The following PDCD5 variants were observed in gnomAD, a reference collection of about 807,000 sequenced individuals.
The protein encoded by PDCD5 is programmed cell death protein 5.
In PDCD5, 23 loss-of-function variants were observed where a neutral mutation model predicts 21.9. The ratio of observed to expected loss-of-function variants is 1.05; its 90% CI spans 0.76 to 1.49. The LOEUF is 1.49. PDCD5 is among the 40% of genes most tolerant of loss of function. The probability of loss-of-function intolerance (pLI) is 0.00; values close to 1 mark genes in which losing one functional copy is unlikely to be tolerated. For missense variants in PDCD5, 152 were observed against 147.7 expected, an observed-to-expected ratio of 1.03 and a Z score of -0.15; for synonymous variants, 45 against 49.4, an observed-to-expected ratio of 0.91 and a Z score of 0.37.
rs747402120 is a variant in PDCD5, at chr19:32,581,256, C to G, written c.-6C>G. 77 of 1,509,292 alleles carry G rather than the reference C, an allele frequency of 5.1e-5. No homozygotes were observed. The highest frequency in any genetic ancestry group is 6.4e-5 in the Non-Finnish European group (73 of 1,132,340). The allele number at this position is 1,509,292 out of a possible 1,614,324, so 93.5% of individuals were successfully genotyped here. On this transcript the variant is annotated 5_prime_UTR_variant, in exon 1 of 6. Coordinates refer to ENST00000590247, the MANE Select transcript of PDCD5 (RefSeq NM_004708.4). ...ACCGCGGCTGCTCCAGCGCTGACGC[C>G]GAGCCATGGCGGACGAGGAGCTTGA...
At position 32,586,507 on chromosome 19, in the gene PDCD5, C is replaced by T. The variant is rs1175582394; in HGVS notation, c.259-351C>T. 5 of 1,096,836 alleles carry T rather than the reference C, an allele frequency of 4.6e-6. No homozygotes were observed. The East Asian group carries it at 2.0e-4, about 43-fold the overall frequency. 67.9% of individuals were successfully genotyped at this position (1,096,836 alleles called of 1,614,324 possible). A position where few individuals can be genotyped will look rare whatever the true frequency, so the allele number is the denominator to read the frequency against. ...CCTTCAAGGGGATGTTTAAGCTTCTCGGGCAGAAGTGGTGTGTCTATTCCT... is the reference window on the plus strand; with the variant it reads ...CCTTCAAGGGGATGTTTAAGCTTCTTGGGCAGAAGTGGTGTGTCTATTCCT... On this transcript the variant is annotated intron_variant, in intron 4 of 5. Transcript: ENST00000590247.
chr19:32,583,887 A>G (rs1971452812), intron 2 of PDCD5, among the ~76,000 whole-genome samples: 1 of 152,164 alleles, frequency 6.6e-6, no homozygotes, highest in Non-Finnish European at 1.5e-5. Context: ...GCTGGAGTGC[A>G]GTGGCACAAT....
At position 32,587,436 on chromosome 19, in the gene PDCD5, A is replaced by G; in HGVS notation, c.*136A>G. On this transcript the variant is annotated 3_prime_UTR_variant, in exon 6 of 6. Coordinates refer to ENST00000590247, the MANE Select transcript of PDCD5 (RefSeq NM_004708.4). Reference sequence around the variant, plus strand: ...TTATGCAAAATAAAACATTTGGGTAAGTTGTTTTAGTATCATAGCCAAGTG... The same window carrying G: ...TTATGCAAAATAAAACATTTGGGTAGGTTGTTTTAGTATCATAGCCAAGTG... 2 of 557,928 alleles carry G rather than the reference A, an allele frequency of 3.6e-6. No homozygotes were observed. Among genetic ancestry groups the G allele is most frequent in the Non-Finnish European group, 6.1e-6 (2 of 326,594 alleles). 34.6% of individuals were successfully genotyped at this position (557,928 alleles called of 1,614,324 possible).
At chr19:32,581,362 G>A (rs1397720910) in intron 1 of PDCD5, 35 bp downstream of exon 1, 4 of 1,412,640 alleles carry the variant, frequency 2.8e-6, no homozygotes, top group Non-Finnish European at 3.7e-6. Flanking sequence ...CTTGGCCCTC[G>A]CGGGGCGCCG....
chr19:32,586,434 T>A (rs1971477074), intron 4 of PDCD5: 3 of 1,128,646 alleles, frequency 2.7e-6, no homozygotes, highest in Non-Finnish European at 3.3e-6. Context: ...GAACTGCTTG[T>A]GTGGGAGAGA....
chr19:32,586,008 T>G (rs1468996463), intron 4 of PDCD5, 101 bp downstream of exon 4: 2 of 1,608,342 alleles, frequency 1.2e-6, no homozygotes. Context: ...GAATTCTTGC[T>G]GACTCTCAGA....
intron 1 of PDCD5, 28 bp downstream of exon 1, chr19:32,581,355 GGCCCTCGCGGGGCGCC>G: frequency 6.9e-7 from 1 of 1,450,860 alleles, no homozygotes; most frequent in Non-Finnish European, 9.1e-7. Flanking sequence ...CGCCAGGCTT[GGCCCTCGCGGGGCGCC>G]GCCCTCGCCC....
At position 32,587,369 on chromosome 19, in the gene PDCD5, A is replaced by G. The variant is rs1392169441; in HGVS notation, c.*69A>G. ...GACAGAAGTTAAGATCTGATTATTT[A>G]CTTTGTTTATTGTCTATATGCCTTT... On this transcript the variant is annotated 3_prime_UTR_variant, in exon 6 of 6. Transcript: ENST00000590247. 1 of 1,083,048 alleles carries G rather than the reference A, an allele frequency of 9.2e-7. No individual in the cohort carries two copies. The highest frequency in any genetic ancestry group is 1.4e-6 in the Non-Finnish European group (1 of 720,406). The allele number at this position is 1,083,048 out of a possible 1,614,324, so 67.1% of individuals were successfully genotyped here.
intron 2 of PDCD5, among the ~76,000 whole-genome samples, chr19:32,583,913 C>G (rs1025687881): frequency 1.3e-5 from 2 of 152,174 alleles, no homozygotes; most frequent in African/African-American, 4.8e-5. Context: ...CTCACCGTAA[C>G]CTCTGCCTCT....
intron 3 of PDCD5, among the ~76,000 whole-genome samples, chr19:32,585,439 T>C (rs563571908): frequency 4.6e-5 from 7 of 152,194 alleles, no homozygotes; most frequent in African/African-American, 7.2e-5. Context: ...AATGAACTGG[T>C]ATTTTCTGTA....
At chr19:32,581,775 CAG>C (rs1481484459) in intron 1 of PDCD5, 1 of 213,414 alleles carries the variant, frequency 4.7e-6, no homozygotes, top group Non-Finnish European at 9.1e-6. Context: ...GCCGGGATGA[CAG>C]GGAGGGGCCG....
intron 2 of PDCD5, among the ~76,000 whole-genome samples, chr19:32,582,438 T>A (rs947986901): frequency 5.3e-5 from 8 of 152,188 alleles, no homozygotes; most frequent in Non-Finnish European, 1.2e-4. Flanking sequence ...CAATTACTGG[T>A]TGATGTTTCT....
chr19:32,586,069 C>T (rs1297114464), intron 4 of PDCD5, 162 bp downstream of exon 4: 14 of 1,551,204 alleles, frequency 9.0e-6, no homozygotes, highest in Admixed American at 3.9e-5. Flanking sequence ...GAATAAATTG[C>T]CTTTCCTAAA....
intron 4 of PDCD5, chr19:32,586,321 C>A: frequency 7.6e-7 from 1 of 1,320,800 alleles, no homozygotes; most frequent in African/African-American, 1.5e-5. Flanking sequence ...TTGTGGCAAA[C>A]CTGGCCTTTG....
At chr19:32,586,353 G>C in intron 4 of PDCD5, 1 of 1,246,726 alleles carries the variant, frequency 8.0e-7, no homozygotes, top group Non-Finnish European at 1.0e-6. Flanking sequence ...AACCCCACCT[G>C]CCCTGAGAAG....
At chr19:32,582,051 A>T (rs2145237560) in intron 1 of PDCD5, 144 bp from the exon 2 acceptor site, 2 of 680,476 alleles carry the variant, frequency 2.9e-6, no homozygotes, top group Non-Finnish European at 5.3e-6. Flanking sequence ...TAGTTCATTG[A>T]TTTCTGTGAG....
rs755135026 is a variant in PDCD5, at chr19:32,581,244, C to T, written c.-18C>T. 1.3e-6 allele frequency: 2 copies of T among 1,489,826 alleles called. No homozygotes were observed. The highest frequency in any genetic ancestry group is 8.9e-7 in the Non-Finnish European group (1 of 1,118,066). The allele number at this position is 1,489,826 out of a possible 1,614,324, so 92.3% of individuals were successfully genotyped here. A position where few individuals can be genotyped will look rare whatever the true frequency, so the allele number is the denominator to read the frequency against. ...GCTGCGAGAGTGACCGCGGCTGCTC[C>T]AGCGCTGACGCCGAGCCATGGCGGA... On this transcript the variant is annotated 5_prime_UTR_variant, in exon 1 of 6. Coordinates refer to ENST00000590247, the MANE Select transcript of PDCD5 (RefSeq NM_004708.4).
rs1017336171 is a variant in PDCD5, at chr19:32,585,014, A to G, written c.166+3A>G. 6 of 1,611,484 alleles carry G rather than the reference A, an allele frequency of 3.7e-6. No homozygotes were observed. The highest frequency in any genetic ancestry group is 3.4e-6 in the Non-Finnish European group (4 of 1,177,558). The stretch of plus-strand genomic sequence containing the variant: ...GGATCAGTCGGCCCGGGCCAGGTGT[A>G]AGCATCTTTGATTTCATTTCCATAA... On this transcript the variant is annotated splice_donor_region_variant and intron_variant, in intron 3 of 5. Transcript: ENST00000590247.
In PDCD5 at chr19:32,581,318, C is replaced by T. The variant is rs200986517; in HGVS notation, c.57C>T (p.Ala19=). 2,014 of 1,520,628 alleles carry T rather than the reference C, an allele frequency of 1.3e-3. 20 individuals carry two copies. The highest frequency in any genetic ancestry group is 9.8e-3 in the African/African-American group (683 of 70,008). The allele number at this position is 1,520,628 out of a possible 1,614,324, so 94.2% of individuals were successfully genotyped here. A position where few individuals can be genotyped will look rare whatever the true frequency, so the allele number is the denominator to read the frequency against. The part of the protein sequence containing the change: ...LRRQRLAELQ[A]KHGDPGDAAQ... ...GACAGAGGCTGGCCGAGCTGCAGGC[C>T]AAACACGGGGTGAGCGCATCAGCCC... The change falls in exon 1 of 6, where the codon GCC becomes GCT. Residue 19 remains alanine, a synonymous_variant. Transcript: ENST00000590247.
Sources: gnomAD v4.1 joint callset for allele counts (sites outside exome capture counted in the v4.1 genomes callset) on GRCh38, gnomAD v4.1.1 for gene constraint, MANE v1.5 for transcripts, NCBI Gene and HGNC (gene_info 2026-07-23, HGNC 2026-07-21) for gene names.